Variants in NIPAL2 observed in about 807,000 individuals in gnomAD.
NIPAL2 encodes NIPA-like protein 2.
A neutral mutation model predicts 48.9 loss-of-function variants in NIPAL2; 43 were observed. That is an observed-to-expected ratio of 0.88 (90% confidence interval 0.69 to 1.13). The LOEUF is 1.13. Ranked by LOEUF, NIPAL2 falls within the 50% of genes most tolerant of loss-of-function variation. The pLI is 0.00. For missense variants in NIPAL2, 446 were observed against 461.4 expected, an observed-to-expected ratio of 0.97 and a Z score of 0.31; for synonymous variants, 167 against 174.6, an observed-to-expected ratio of 0.96 and a Z score of 0.34.
chr8:98,198,263 G>T (rs1810645032), intron 8 of NIPAL2, among the ~76,000 whole-genome samples: 2 of 152,132 alleles, frequency 1.3e-5, no homozygotes, highest in South Asian at 4.1e-4. Flanking sequence ...TCTCAACAGT[G>T]GGTTTAAAAT....
chr8:98,273,976 T>C (rs1815306915), intron 1 of NIPAL2, among the ~76,000 whole-genome samples: 1 of 152,038 alleles, frequency 6.6e-6, no homozygotes, highest in Non-Finnish European at 1.5e-5. Flanking sequence ...TCTGAAAAAG[T>C]TTCTAAGTGA....
chr8:98,237,611 CTA>C (rs1352006576), intron 3 of NIPAL2, among the ~76,000 whole-genome samples: 1 of 152,166 alleles, frequency 6.6e-6, no homozygotes, highest in Non-Finnish European at 1.5e-5. Flanking sequence ...ACTCAAAGAG[CTA>C]TGATTTTGCT....
chr8:98,274,680 G>T (rs1168496679), intron 1 of NIPAL2, among the ~76,000 whole-genome samples: 1 of 151,690 alleles, frequency 6.6e-6, no homozygotes, highest in Non-Finnish European at 1.5e-5. Flanking sequence ...ATTTTAGTTG[G>T]ATCTCTTATA....
chr8:98,192,856 A>G lies in NIPAL2; in HGVS notation c.*122T>C. On this transcript the variant is annotated 3_prime_UTR_variant, in exon 11 of 11. Transcript: ENST00000430223. ...GTCCATAGACGCTGAGGTGGGGGAA[A>G]GGACTGAAATGAATGCTAGCACATG... is the stretch of plus-strand genomic sequence containing the variant. 1.5e-6 allele frequency: 1 copy of G among 661,036 alleles called. No individual in the cohort carries two copies. The highest frequency in any genetic ancestry group is 1.8e-5 in the African/African-American group (1 of 55,694). The allele number at this position is 661,036 out of a possible 1,614,324, so 40.9% of individuals were successfully genotyped here. A position where few individuals can be genotyped will look rare whatever the true frequency, so the allele number is the denominator to read the frequency against.
chr8:98,265,312 A>C lies in NIPAL2; in HGVS notation c.136-11225T>G, dbSNP rs1455289558. ...TAATTAAACTAAAGAGCTTCTGCAC[A>C]GCAAAAGAAACTACCATCAGAGTGA... is the stretch of plus-strand genomic sequence containing the variant. On this transcript the variant is annotated intron_variant, in intron 1 of 10. Transcript: ENST00000430223. Among the ~76,000 whole-genome samples the C allele has an allele frequency of 8.2e-4, 123 of 149,844 alleles. 1 individual carries two copies. The highest frequency in any genetic ancestry group is 6.7e-3 in the Admixed American group (101 of 15,072).
rs1210684481 is a variant in NIPAL2, at chr8:98,190,409, A to C, written c.*2569T>G. ...ATGATCTCGGCTCACTGCAACCTCC[A>C]CCTCCCGGGTTCAAGTGATTCTCCT... is the stretch of plus-strand genomic sequence containing the variant. On this transcript the variant is annotated 3_prime_UTR_variant, in exon 11 of 11. Coordinates refer to ENST00000430223, the MANE Select transcript of NIPAL2 (RefSeq NM_001321635.2). The C allele has an allele frequency of 6.6e-6, 1 of 152,248 alleles. No homozygotes were observed. The highest frequency in any genetic ancestry group is 2.4e-5 in the African/African-American group (1 of 41,082). 9.4% of individuals were successfully genotyped at this position (152,248 alleles called of 1,614,324 possible).
chr8:98,193,407 T>C (rs1475096052), intron 10 of NIPAL2: 1 of 1,614,064 alleles, frequency 6.2e-7, no homozygotes, highest in African/African-American at 1.3e-5. Context: ...CTCTCTGGGG[T>C]TGTGTCTTCT....
At chr8:98,262,184 G>A (rs1265025280) in intron 1 of NIPAL2, among the ~76,000 whole-genome samples, 2 of 150,816 alleles carry the variant, frequency 1.3e-5, no homozygotes, top group African/African-American at 2.4e-5. Flanking sequence ...ATGCCAAAAT[G>A]TAAAGACCAT....
chr8:98,277,183 T>C (rs1815520023), intron 1 of NIPAL2, among the ~76,000 whole-genome samples: 1 of 152,208 alleles, frequency 6.6e-6, no homozygotes, highest in African/African-American at 2.4e-5. Flanking sequence ...TCAATAGTTT[T>C]TAATATACTC....
At chr8:98,288,128 GC>G in intron 1 of NIPAL2, among the ~76,000 whole-genome samples, 1 of 151,838 alleles carries the variant, frequency 6.6e-6, no homozygotes, top group Middle Eastern at 3.4e-3. Flanking sequence ...CCATGCTGGT[GC>G]ACTGCACCCA....
chr8:98,278,837 T>G (rs532681182), intron 1 of NIPAL2, among the ~76,000 whole-genome samples: 1 of 152,324 alleles, frequency 6.6e-6, no homozygotes, highest in African/African-American at 2.4e-5. Context: ...AGTGAGTAAC[T>G]ATTTTATAAT....
At chr8:98,205,055 G>A in intron 7 of NIPAL2, 56 bp downstream of exon 7, 2 of 1,572,560 alleles carry the variant, frequency 1.3e-6, no homozygotes, top group Non-Finnish European at 1.7e-6. Context: ...AAAGATTAAT[G>A]CCCAGAGAAG....
intron 1 of NIPAL2, among the ~76,000 whole-genome samples, chr8:98,267,368 A>C (rs1814837505): frequency 1.3e-5 from 2 of 151,698 alleles, no homozygotes; most frequent in South Asian, 4.2e-4. Context: ...TTGTTGCCCA[A>C]GGTGGGGTTC....
At chr8:98,273,280 A>T (rs1471567177) in intron 1 of NIPAL2, among the ~76,000 whole-genome samples, 1 of 152,222 alleles carries the variant, frequency 6.6e-6, no homozygotes, top group Non-Finnish European at 1.5e-5. Context: ...CACAAATTAT[A>T]TGATTCTATT....
chr8:98,214,493 C>G (rs1413403911), intron 5 of NIPAL2, among the ~76,000 whole-genome samples: 2 of 152,182 alleles, frequency 1.3e-5, no homozygotes, highest in South Asian at 4.2e-4. Context: ...AGATGGTATT[C>G]TTGGGCTGAA....
At chr8:98,234,903 A>G (rs1430674268) in intron 4 of NIPAL2, among the ~76,000 whole-genome samples, 1 of 152,048 alleles carries the variant, frequency 6.6e-6, no homozygotes, top group East Asian at 1.9e-4. Flanking sequence ...GATTCTACAA[A>G]CCACAATATA....
intron 3 of NIPAL2, among the ~76,000 whole-genome samples, chr8:98,237,040 G>C (rs1270082161): frequency 6.6e-6 from 1 of 151,742 alleles, no homozygotes; most frequent in East Asian, 1.9e-4. Flanking sequence ...AGGTCACTGG[G>C]TCTAAATCTA....
chr8:98,254,191 G>T, intron 1 of NIPAL2, 104 bp from the exon 2 acceptor site: 2 of 812,918 alleles, frequency 2.5e-6, no homozygotes, highest in Non-Finnish European at 3.9e-6. Flanking sequence ...TTCAGCTTTA[G>T]CCTAGCACCC....
Position 98,203,163 on chromosome 8 carries a change from CGTATT to C in NIPAL2, c.820_824del (p.Asn274AspfsTer7), listed in dbSNP as rs781155451. 4 of 1,614,104 alleles carry C rather than the reference CGTATT, an allele frequency of 2.5e-6. No individual in the cohort carries two copies. Reference sequence around the variant, plus strand: ...TATGATTAACTGGCACCACTGTTGTCGTATTGTAGAGTTTCGTGGCTTGATTCAGG... The same window carrying C: ...TATGATTAACTGGCACCACTGTTGTCGTAGAGTTTCGTGGCTTGATTCAGG... On this transcript the variant is annotated frameshift_variant, in exon 8 of 11. Transcript: ENST00000430223. LOFTEE classifies it high-confidence loss of function.
Sources: gnomAD v4.1 joint callset for allele counts (sites outside exome capture counted in the v4.1 genomes callset) on GRCh38, gnomAD v4.1.1 for gene constraint, MANE v1.5 for transcripts, NCBI Gene and HGNC (gene_info 2026-07-23, HGNC 2026-07-21) for gene names.